LOC122394732: variants seen among roughly 807,000 people sequenced by gnomAD.
chr9:87,956,646 C>G, the LOC122394732 span: 1 of 396,154 alleles, frequency 2.5e-6, no homozygotes, highest in Non-Finnish European at 4.4e-6. Context: ...AAAAAAAGGA[C>G]TAGATAATTG....
the LOC122394732 span, chr9:87,956,578 T>C: frequency 2.5e-5 from 10 of 398,026 alleles, no homozygotes; most frequent in African/African-American, 2.1e-4. Context: ...TCTCCTTCTG[T>C]ATCTCTCTGT....
chr9:87,956,434 C>T, the LOC122394732 span: 1 of 398,498 alleles, frequency 2.5e-6, no homozygotes, highest in East Asian at 3.6e-5. Flanking sequence ...AAAAAGCAGC[C>T]CTGAAGAGAT....
At chr9:87,956,748 T>C in the LOC122394732 span, 1 of 318,408 alleles carries the variant, frequency 3.1e-6, no homozygotes, top group Non-Finnish European at 5.7e-6. Flanking sequence ...TGATTCTATT[T>C]CTTTACAACT....
chr9:87,956,640 A>C, the LOC122394732 span: 1 of 396,840 alleles, frequency 2.5e-6, no homozygotes, highest in Non-Finnish European at 4.4e-6. Flanking sequence ...AAAAGAAAAA[A>C]AAGGACTAGA....
the LOC122394732 span, chr9:87,956,723 G>A: frequency 2.8e-6 from 1 of 352,866 alleles, no homozygotes; most frequent in Non-Finnish European, 5.0e-6. Context: ...ATAATGCGCT[G>A]ATTTTTTTCC....
At chr9:87,956,742 T>C in the LOC122394732 span, 5 of 326,562 alleles carry the variant, frequency 1.5e-5, no homozygotes, top group African/African-American at 8.4e-5. Flanking sequence ...CCCAGCTGAT[T>C]CTATTTCTTT....
the LOC122394732 span, chr9:87,956,341 C>G: frequency 2.5e-6 from 1 of 398,596 alleles, no homozygotes; most frequent in Non-Finnish European, 4.4e-6. Context: ...TCGTGAACAA[C>G]CTTGGAGAGG....
At chr9:87,956,509 G>A in the LOC122394732 span, 17 of 398,582 alleles carry the variant, frequency 4.3e-5, no homozygotes, top group East Asian at 5.7e-4. Flanking sequence ...GACTGATGCT[G>A]TGCCACCATA....
At chr9:87,956,720 G>C in the LOC122394732 span, 1 of 361,726 alleles carries the variant, frequency 2.8e-6, no homozygotes, top group Non-Finnish European at 4.9e-6. Flanking sequence ...AGAATAATGC[G>C]CTGATTTTTT....
chr9:87,956,695 C>T, the LOC122394732 span: 1 of 382,106 alleles, frequency 2.6e-6, no homozygotes, highest in African/African-American at 2.1e-5. Flanking sequence ...ATAAACAAAA[C>T]CTCCTACAAA....
At chr9:87,956,396 G>C in the LOC122394732 span, 2 of 398,530 alleles carry the variant, frequency 5.0e-6, no homozygotes, top group Non-Finnish European at 8.8e-6. Context: ...GAAGGCTTTA[G>C]ACATCCAGAT....
At chr9:87,956,554 A>G in the LOC122394732 span, 1 of 398,528 alleles carries the variant, frequency 2.5e-6, no homozygotes. Flanking sequence ...CAATACAGAC[A>G]GAACACACCT....
the LOC122394732 span, chr9:87,956,705 A>C: frequency 2.7e-6 from 1 of 371,460 alleles, no homozygotes; most frequent in Non-Finnish European, 4.8e-6. Context: ...CCTCCTACAA[A>C]AGAGAGAATA....
chr9:87,956,865 C>T, the LOC122394732 span: 1 of 164,162 alleles, frequency 6.1e-6, no homozygotes, highest in Non-Finnish European at 1.3e-5. Context: ...TCATGAAATA[C>T]ATATTATATT....
chr9:87,956,298 A>G, the LOC122394732 span: 1 of 398,616 alleles, frequency 2.5e-6, no homozygotes, highest in Non-Finnish European at 4.4e-6. Flanking sequence ...AGCGCCTTCA[A>G]AGCAGGAGAT....
the LOC122394732 span, chr9:87,956,593 C>A: frequency 2.5e-6 from 1 of 397,270 alleles, no homozygotes; most frequent in Non-Finnish European, 4.4e-6. Flanking sequence ...CTCTGTGACC[C>A]AAGAAAGCAG....
the LOC122394732 span, chr9:87,956,321 C>G: frequency 7.5e-6 from 3 of 398,560 alleles, no homozygotes; most frequent in Non-Finnish European, 1.3e-5. Context: ...CCTGTACCTG[C>G]GAAGGGCCTT....
At chr9:87,956,354 A>C in the LOC122394732 span, 11 of 398,538 alleles carry the variant, frequency 2.8e-5, no homozygotes, top group Admixed American at 4.4e-5. Context: ...TGGAGAGGAA[A>C]GGAGAACCAG....
chr9:87,956,324 A>C, the LOC122394732 span: 1 of 398,660 alleles, frequency 2.5e-6, no homozygotes, highest in African/African-American at 2.1e-5. Flanking sequence ...GTACCTGCGA[A>C]GGGCCTTCGT....
Sources: gnomAD v4.1 joint callset for allele counts on GRCh38, gnomAD v4.1.1 for gene constraint, MANE v1.5 for transcripts.